Variants in PRORP observed in about 807,000 individuals in gnomAD.
PRORP encodes mitochondrial ribonuclease P catalytic subunit.
Under a neutral mutation model 59.4 loss-of-function variants are expected in PRORP, and 51 were observed. The ratio of observed to expected loss-of-function variants is 0.86; its 90% CI spans 0.69 to 1.08. The LOEUF (loss-of-function observed/expected upper bound fraction) is 1.08. PRORP is among the 50% of genes least tolerant of loss of function. The probability of loss-of-function intolerance (pLI) is 0.00; values close to 1 mark genes in which losing one functional copy is unlikely to be tolerated. For missense variants in PRORP, 646 were observed against 690.3 expected, an observed-to-expected ratio of 0.94 and a Z score of 0.72; for synonymous variants, 231 against 245.6, an observed-to-expected ratio of 0.94 and a Z score of 0.55.
chr14:35,256,326 C>T (rs1474980809), intron 5 of PRORP, among the ~76,000 whole-genome samples: 20 of 82,780 alleles, frequency 2.4e-4, no homozygotes, highest in African/African-American at 7.1e-4. Context: ...TTGTGCGTAT[C>T]TTTTTTTTTT....
intron 5 of PRORP, among the ~76,000 whole-genome samples, chr14:35,258,379 C>T (rs565003983): frequency 4.0e-5 from 6 of 151,892 alleles, no homozygotes; most frequent in East Asian, 1.9e-4. Context: ...AATTTAACCC[C>T]GATGGTAATC....
intron 4 of PRORP, among the ~76,000 whole-genome samples, chr14:35,157,457 T>G (rs775999653): frequency 1.3e-5 from 2 of 152,172 alleles, no homozygotes; most frequent in African/African-American, 2.4e-5. Context: ...AGCTGGATGA[T>G]CAGATCCAAA....
chr14:35,149,820 G>A (rs1242760473), intron 4 of PRORP, among the ~76,000 whole-genome samples: 1 of 152,118 alleles, frequency 6.6e-6, no homozygotes, highest in East Asian at 1.9e-4. Context: ...CTAGCTTTTG[G>A]CCTATCTTAG....
intron 5 of PRORP, among the ~76,000 whole-genome samples, chr14:35,205,822 C>T (rs565048357): frequency 2.5e-4 from 38 of 152,280 alleles, no homozygotes; most frequent in Non-Finnish European, 4.4e-4. Flanking sequence ...CTAATTTCTT[C>T]TCACCCTTCA....
intron 5 of PRORP, among the ~76,000 whole-genome samples, chr14:35,244,312 C>T (rs1461412181): frequency 6.6e-6 from 1 of 152,060 alleles, no homozygotes; most frequent in Non-Finnish European, 1.5e-5. Context: ...TTTTAGAGGA[C>T]CAGTATTATG....
At chr14:35,257,975 C>T (rs577730546) in intron 5 of PRORP, among the ~76,000 whole-genome samples, 7 of 152,178 alleles carry the variant, frequency 4.6e-5, no homozygotes, top group Admixed American at 4.6e-4. Context: ...CCATGTAGCC[C>T]TGCCAACTAT....
intron 4 of PRORP, among the ~76,000 whole-genome samples, chr14:35,128,241 A>G (rs776482852): frequency 6.7e-6 from 1 of 148,716 alleles, no homozygotes; most frequent in Non-Finnish European, 1.5e-5. Flanking sequence ...GGATTTTTGC[A>G]TCAATATTCA....
chr14:35,134,836 G>A lies in PRORP; in HGVS notation c.1167+7225G>A, dbSNP rs555901533. 2.6e-5 allele frequency among the ~76,000 whole-genome samples: 4 copies of A among 152,284 alleles called. No homozygotes were observed. The East Asian group carries it at 7.7e-4, about 29-fold the overall frequency. The stretch of plus-strand genomic sequence containing the variant: ...TACCAGTCCACTGGCTCTGAGCCCA[G>A]TTCACCACTAGGACTCACCTAAGAG... On this transcript the variant is annotated intron_variant, in intron 4 of 7. Coordinates refer to ENST00000534898, the MANE Select transcript of PRORP (RefSeq NM_014672.4).
intron 5 of PRORP, chr14:35,262,826 C>A: frequency 6.8e-7 from 1 of 1,463,018 alleles, no homozygotes; most frequent in Non-Finnish European, 9.6e-7. Context: ...AAAAATACAT[C>A]CTCAGGGTTC....
At chr14:35,211,378 A>G (rs75356174) in intron 5 of PRORP, among the ~76,000 whole-genome samples, 1 of 152,150 alleles carries the variant, frequency 6.6e-6, no homozygotes. Context: ...TTACTGCTAT[A>G]TTCCCAGCAC....
chr14:35,184,528 CTT>C (rs1284737321), intron 5 of PRORP, among the ~76,000 whole-genome samples: 1 of 151,998 alleles, frequency 6.6e-6, no homozygotes, highest in East Asian at 1.9e-4. Context: ...TTTTAAAAAA[CTT>C]TTATTTTAAG....
At chr14:35,193,699 T>A (rs751688425) in intron 5 of PRORP, among the ~76,000 whole-genome samples, 3 of 151,972 alleles carry the variant, frequency 2.0e-5, no homozygotes, top group Non-Finnish European at 4.4e-5. Context: ...CTTGAAATTA[T>A]GTTTCAATAA....
chr14:35,153,850 G>A (rs2047843481), intron 4 of PRORP, among the ~76,000 whole-genome samples: 1 of 152,132 alleles, frequency 6.6e-6, no homozygotes, highest in Admixed American at 6.5e-5. Context: ...AATTTAAGAG[G>A]TCCTCACTCA....
intron 5 of PRORP, chr14:35,235,337 T>A: frequency 1.4e-6 from 1 of 703,106 alleles, no homozygotes. Flanking sequence ...AGCCAAAGTG[T>A]CTTTGTCTTC....
At chr14:35,170,475 A>G (rs2048287996) in intron 4 of PRORP, among the ~76,000 whole-genome samples, 1 of 152,124 alleles carries the variant, frequency 6.6e-6, no homozygotes, top group Admixed American at 6.5e-5. Flanking sequence ...TTACAATCTG[A>G]ATCCTTAACT....
At position 35,206,206 on chromosome 14, in the gene PRORP, C is replaced by T. The variant is rs1441696330; in HGVS notation, c.1275+25429C>T. Among the ~76,000 whole-genome samples, 5 of 152,146 alleles carry T rather than the reference C, an allele frequency of 3.3e-5. No individual in the cohort carries two copies. In the East Asian group the frequency reaches 9.6e-4, roughly 29 times the overall value. On this transcript the variant is annotated intron_variant, in intron 5 of 7. Coordinates refer to ENST00000534898, the MANE Select transcript of PRORP (RefSeq NM_014672.4). ...GAGTGCTGCTTATGACGGACATTGT[C>T]CCTTTTGATCCTCTAGTCTTTCTGG...
rs778667532 is a variant in PRORP, at chr14:35,270,390, G to A, written c.1425-11G>A. On this transcript the variant is annotated splice_polypyrimidine_tract_variant and intron_variant, in intron 6 of 7. Coordinates refer to ENST00000534898, the MANE Select transcript of PRORP (RefSeq NM_014672.4). Reference sequence around the variant, plus strand: ...TGTGCTTGATTGTGTCCTTTCTTATGCCTGGTTCAGCTCGGAGGATGATCC... The same window carrying A: ...TGTGCTTGATTGTGTCCTTTCTTATACCTGGTTCAGCTCGGAGGATGATCC... The A allele has an allele frequency of 6.2e-7, 1 of 1,611,120 alleles. No individual in the cohort carries two copies. The highest frequency in any genetic ancestry group is 1.1e-5 in the South Asian group (1 of 90,966).
intron 5 of PRORP, among the ~76,000 whole-genome samples, chr14:35,182,910 A>G (rs2048650725): frequency 1.3e-5 from 2 of 152,190 alleles, no homozygotes; most frequent in South Asian, 2.1e-4. Context: ...ACATAAAGAA[A>G]TGTATTCAAA....
At chr14:35,223,680 T>C (rs574988500) in intron 5 of PRORP, among the ~76,000 whole-genome samples, 3 of 152,104 alleles carry the variant, frequency 2.0e-5, no homozygotes, top group African/African-American at 4.8e-5. Context: ...AGGATGGTCT[T>C]GAACTCCTGA....
Sources: allele counts gnomAD v4.1 joint callset (sites outside exome capture counted in the v4.1 genomes callset), GRCh38; gene constraint gnomAD v4.1.1; transcripts MANE v1.5; gene names NCBI Gene and HGNC (gene_info 2026-07-23, HGNC 2026-07-21).